Variants in CYBA observed in about 807,000 individuals in gnomAD.
CYBA encodes the protein cytochrome b-245 light chain.
In CYBA, 21 loss-of-function variants were observed where a neutral mutation model predicts 20.8. That is an observed-to-expected ratio of 1.01 (90% CI 0.72 to 1.46). CYBA has a LOEUF of 1.46. CYBA is among the 40% of genes most tolerant of loss of function. CYBA has a pLI of 0.00. For synonymous variants in CYBA, 164 were observed against 127.5 expected (o/e 1.29, Z -1.93); for missense variants, 344 against 287.0 (o/e 1.20, Z -1.43).
At chr16:88,645,425 T>C (rs1003454060) in intron 5 of CYBA, 2 of 702,268 alleles carry the variant, frequency 2.8e-6, no homozygotes, top group African/African-American at 3.5e-5. Flanking sequence ...AGGAGGGACT[T>C]GGCTCTATGG....
intron 1 of CYBA, among the ~76,000 whole-genome samples, chr16:88,648,937 C>CTT (rs35341429): frequency 9.0e-4 from 108 of 119,646 alleles, no homozygotes; most frequent in East Asian, 3.3e-3. Flanking sequence ...TATTTTATTT[C>CTT]TTTTTTTTTT....
intron 1 of CYBA, 148 bp downstream of exon 1, chr16:88,650,807 CG>C: frequency 1.2e-6 from 1 of 807,760 alleles, no homozygotes; most frequent in Non-Finnish European, 2.0e-6. Flanking sequence ...GTCCCGCCCC[CG>C]TTCCCCGCAC....
Position 88,647,187 on chromosome 16 carries a change from T to A in CYBA, c.129-12A>T. The stretch of plus-strand genomic sequence containing the variant: ...ACACGCCCGCCACACTGAAGCCATG[T>A]GGTTAAGGAACAGCCCAGCTCAGCC... On this transcript the variant is annotated splice_polypyrimidine_tract_variant and intron_variant, in intron 2 of 5. Transcript: ENST00000261623. 1.2e-6 allele frequency: 2 copies of A among 1,611,568 alleles called. No homozygotes were observed. Among genetic ancestry groups the A allele is most frequent in the East Asian group, 2.2e-5 (1 of 44,864 alleles).
chr16:88,643,669 C>T lies in CYBA; in HGVS notation c.370-98G>A. ...ACCCCGCTAGGGGCCCTGGGACAGG[C>T]TCAAGTCTGAATCCCACGCAGGATG... On this transcript the variant is annotated intron_variant, in intron 5 of 5. Coordinates refer to ENST00000261623, the MANE Select transcript of CYBA (RefSeq NM_000101.4). The surrounding 1 kb of genome is among the most constrained non-coding windows in gnomAD (Gnocchi z 4.3). 8.6e-7 allele frequency: 1 copy of T among 1,158,166 alleles called. No homozygotes were observed. The highest frequency in any genetic ancestry group is 1.2e-6 in the Non-Finnish European group (1 of 816,672). The allele number at this position is 1,158,166 out of a possible 1,614,324, so 71.7% of individuals were successfully genotyped here. A position where few individuals can be genotyped will look rare whatever the true frequency, so the allele number is the denominator to read the frequency against.
intron 1 of CYBA, among the ~76,000 whole-genome samples, chr16:88,649,025 C>G (rs1907400281): frequency 1.3e-5 from 2 of 151,300 alleles, no homozygotes; most frequent in Admixed American, 1.3e-4. Flanking sequence ...ACAACCTCCA[C>G]CTCCCAGGTT....
At chr16:88,650,439 G>T (rs1259599525) in intron 1 of CYBA, 5 of 458,458 alleles carry the variant, frequency 1.1e-5, no homozygotes, top group Non-Finnish European at 1.8e-5. Flanking sequence ...TGGTTTCGGC[G>T]CCTTGTGAAA....
chr16:88,643,669 C>G lies in CYBA; in HGVS notation c.370-98G>C. On this transcript the variant is annotated intron_variant, in intron 5 of 5. Coordinates refer to ENST00000261623, the MANE Select transcript of CYBA (RefSeq NM_000101.4). The surrounding 1 kb of genome is among the most constrained non-coding windows in gnomAD (Gnocchi z 4.3). ...ACCCCGCTAGGGGCCCTGGGACAGG[C>G]TCAAGTCTGAATCCCACGCAGGATG... 1.7e-6 allele frequency: 2 copies of G among 1,158,166 alleles called. No individual in the cohort carries two copies. The highest frequency in any genetic ancestry group is 2.4e-6 in the Non-Finnish European group (2 of 816,672). The allele number at this position is 1,158,166 out of a possible 1,614,324, so 71.7% of individuals were successfully genotyped here.
Position 88,649,127 on chromosome 16 carries a change from C to T in CYBA, c.59-1013G>A, listed in dbSNP as rs147550786. 4.9e-3 allele frequency among the ~76,000 whole-genome samples: 740 copies of T among 150,784 alleles called. 5 individuals are homozygous for T. Among genetic ancestry groups the T allele is most frequent in the Middle Eastern group, 0.01 (3 of 286 alleles). ...TAATTTTTTGTATTTTTAGTAGAGA[C>T]GGGGTTTCACTGTGTTAGCCAGGAT... is the stretch of plus-strand genomic sequence containing the variant. On this transcript the variant is annotated intron_variant, in intron 1 of 5. Coordinates refer to ENST00000261623, the MANE Select transcript of CYBA (RefSeq NM_000101.4).
At chr16:88,647,767 C>G (rs934776485) in intron 2 of CYBA, 1 of 551,536 alleles carries the variant, frequency 1.8e-6, no homozygotes, top group Non-Finnish European at 3.3e-6. Context: ...TCCCAGCAGT[C>G]CAACAGGGAG....
intron 5 of CYBA, chr16:88,644,640 G>A (rs67941081): frequency 0.04 from 6,569 of 165,324 alleles, 476 homozygotes; most frequent in African/African-American, 0.15. Context: ...CCTGGCTAAC[G>A]CGGTGAAACC....
rs13306294 is a variant in CYBA at position 88,646,323 on chromosome 16, C to T, written c.288-126G>A. The T allele has an allele frequency of 3.8e-3, 2,534 of 661,906 alleles. 173 individuals are homozygous for T. Among genetic ancestry groups the T allele is most frequent in the Non-Finnish European group, 5.0e-3 (1,992 of 395,614 alleles). 41.0% of individuals were successfully genotyped at this position (661,906 alleles called of 1,614,324 possible). A position where few individuals can be genotyped will look rare whatever the true frequency, so the allele number is the denominator to read the frequency against. On this transcript the variant is annotated intron_variant, in intron 4 of 5. Coordinates refer to ENST00000261623, the MANE Select transcript of CYBA (RefSeq NM_000101.4). ...GCAGACTGCAGACCCAGGGGACGTG[C>T]GCGGACCGGGGCTTGTTTCGGTCCT...
chr16:88,649,138 T>A (rs72549200), intron 1 of CYBA, among the ~76,000 whole-genome samples: 2 of 149,148 alleles, frequency 1.3e-5, no homozygotes, highest in Non-Finnish European at 3.0e-5. Context: ...GGGGTTTCAC[T>A]GTGTTAGCCA....
At chr16:88,649,130 G>C (rs1295053588) in intron 1 of CYBA, among the ~76,000 whole-genome samples, 1 of 150,740 alleles carries the variant, frequency 6.6e-6, no homozygotes, top group Admixed American at 6.6e-5. Context: ...GTAGAGACGG[G>C]GTTTCACTGT....
In CYBA at chr16:88,643,316, T is replaced by C. The variant is rs1488178189; in HGVS notation, c.*37A>G. 7 of 1,403,938 alleles carry C rather than the reference T, an allele frequency of 5.0e-6. No individual in the cohort carries two copies. Among genetic ancestry groups the C allele is most frequent in the Middle Eastern group, 3.9e-4 (2 of 5,108 alleles). 87.0% of individuals were successfully genotyped at this position (1,403,938 alleles called of 1,614,324 possible). A position where few individuals can be genotyped will look rare whatever the true frequency, so the allele number is the denominator to read the frequency against. On this transcript the variant is annotated 3_prime_UTR_variant, in exon 6 of 6. Transcript: ENST00000261623. The surrounding 1 kb of genome is among the most constrained non-coding windows in gnomAD (Gnocchi z 4.3). ...CCGGCTTCGCTGCATTTATTGCAGG[T>C]GGGTGCACCTGGCGGGAGGGCAGGT...
chr16:88,650,270 C>G (rs1358704627), intron 1 of CYBA: 1 of 418,572 alleles, frequency 2.4e-6, no homozygotes, highest in Non-Finnish European at 4.9e-6. Context: ...GGGCCAGACA[C>G]TCCCTGGCCC....
Position 88,644,900 on chromosome 16 carries a change from A to G in CYBA, c.369+1216T>C, listed in dbSNP as rs1907219635. The G allele has an allele frequency of 1.1e-5, 6 of 543,848 alleles. No homozygotes were observed. In the Admixed American group the frequency reaches 1.9e-4, roughly 17 times the overall value. 33.7% of individuals were successfully genotyped at this position (543,848 alleles called of 1,614,324 possible). On this transcript the variant is annotated intron_variant, in intron 5 of 5. Coordinates refer to ENST00000261623, the MANE Select transcript of CYBA (RefSeq NM_000101.4). ...GCAAAGGATTTGAACAGGCAACTCA[A>G]GGGAGAAGAAACTCCAACAGCTCAA...
At position 88,643,371 on chromosome 16, in the gene CYBA, C is replaced by A; in HGVS notation, c.570G>T (p.Val190=). The A allele has an allele frequency of 6.5e-7, 1 of 1,529,326 alleles. No individual in the cohort carries two copies. The highest frequency in any genetic ancestry group is 1.2e-5 in the South Asian group (1 of 82,530). 94.7% of individuals were successfully genotyped at this position (1,529,326 alleles called of 1,614,324 possible). A position where few individuals can be genotyped will look rare whatever the true frequency, so the allele number is the denominator to read the frequency against. The change falls in exon 6 of 6, where the codon GTG becomes GTT. Residue 190 remains valine (V), a synonymous_variant. Coordinates refer to ENST00000261623, the MANE Select transcript of CYBA (RefSeq NM_000101.4). The surrounding 1 kb of genome is among the most constrained non-coding windows in gnomAD (Gnocchi z 4.3). ...PGGPQVNPIP[V]TDEVV is the part of the protein sequence containing the mutation. Reference sequence around the variant, plus strand: ...GGCGAGGTCACACGACCTCGTCGGTCACCGGGATGGGGTTGACCTGGGGAC... The same window carrying A: ...GGCGAGGTCACACGACCTCGTCGGTAACCGGGATGGGGTTGACCTGGGGAC...
chr16:88,650,756 T>TG (rs901310059), intron 1 of CYBA, 200 bp downstream of exon 1: 1 of 630,544 alleles, frequency 1.6e-6, no homozygotes, highest in South Asian at 1.8e-5. Context: ...AGGGAATTAC[T>TG]GGGGGTCTCA....
intron 4 of CYBA, 97 bp downstream of exon 4, chr16:88,646,658 G>A: frequency 1.9e-6 from 2 of 1,052,180 alleles, no homozygotes; most frequent in African/African-American, 1.6e-5. Flanking sequence ...GGTAAGTGGG[G>A]GTGGCTCCTG....
Sources: allele counts gnomAD v4.1 joint callset (sites outside exome capture counted in the v4.1 genomes callset), GRCh38; gene constraint gnomAD v4.1.1; non-coding constraint Gnocchi (gnomAD v3.1); transcripts MANE v1.5; gene names NCBI Gene and HGNC (gene_info 2026-07-23, HGNC 2026-07-21).